Variants in COL4A5 observed in about 807,000 individuals in gnomAD.
COL4A5 encodes collagen alpha-5(IV) chain.
Under a neutral mutation model 130.2 loss-of-function variants are expected in COL4A5, and 26 were observed. That is an observed-to-expected ratio of 0.20 (90% CI 0.15 to 0.28). The LOEUF (loss-of-function observed/expected upper bound fraction) is 0.28, where lower values mean the gene tolerates loss of function less well. COL4A5 is among the 10% of genes least tolerant of loss of function. The probability of loss-of-function intolerance (pLI) is 1.00; values close to 1 mark genes in which losing one functional copy is unlikely to be tolerated. For missense variants in COL4A5, 1,131 were observed against 1,344.3 expected (o/e 0.84, Z 2.48); for synonymous variants, 496 against 439.6 (o/e 1.13, Z -1.60).
At chrX:108,565,009 A>T (rs1271347081) in intron 4 of COL4A5, among the ~76,000 whole-genome samples, 3 of 111,622 alleles carry the variant, frequency 2.7e-5, no homozygotes, top group African/African-American at 9.8e-5. Context: ...TGATATCAAT[A>T]TACTATTAAA....
At chrX:108,516,045 G>A (rs1475734399) in intron 1 of COL4A5, among the ~76,000 whole-genome samples, 1 of 111,922 alleles carries the variant, frequency 8.9e-6, no homozygotes, top group Non-Finnish European at 1.9e-5. Flanking sequence ...TTTGCTGCCT[G>A]TGAAGTAAAG....
chrX:108,500,549 G>A (rs1261653134), intron 1 of COL4A5, among the ~76,000 whole-genome samples: 1 of 111,848 alleles, frequency 8.9e-6, no homozygotes, highest in Non-Finnish European at 1.9e-5. Flanking sequence ...GTCACATTTG[G>A]TTAATGTGGG....
At chrX:108,690,987 A>G (rs745435038) in intron 49 of COL4A5, among the ~76,000 whole-genome samples, 1 of 111,875 alleles carries the variant, frequency 8.9e-6, no homozygotes, top group African/African-American at 3.3e-5. Context: ...AGCCATATAA[A>G]AAATGAAATC....
At chrX:108,515,290 G>T (rs2065210993) in intron 1 of COL4A5, among the ~76,000 whole-genome samples, 1 of 111,422 alleles carries the variant, frequency 9.0e-6, no homozygotes, top group African/African-American at 3.3e-5. Context: ...TAGTCCTGAG[G>T]CCTCCATCTT....
chrX:108,627,637 A>G, intron 36 of COL4A5: 9 of 601,975 alleles, frequency 1.5e-5, no homozygotes, highest in Non-Finnish European at 1.6e-5. Context: ...GGCTTTTTAA[A>G]ACACTTATAA....
rs758201168 is a variant in COL4A5, at chrX:108,566,773, T to C, written c.277-1856T>C. The stretch of plus-strand genomic sequence containing the variant: ...ACTGTGTTAACCATGATGGTCTGGA[T>C]CTCCTGACCTCGTGATCCACCCGCC... On this transcript the variant is annotated intron_variant, in intron 4 of 52. Coordinates refer to ENST00000328300, the MANE Select transcript of COL4A5 (RefSeq NM_033380.3). 3.6e-5 allele frequency among the ~76,000 whole-genome samples: 4 copies of C among 110,843 alleles called. 1 individual carries two copies. The South Asian group carries it at 1.6e-3, about 44-fold the overall frequency.
At chrX:108,610,258 G>A (rs2066809668) in intron 29 of COL4A5, among the ~76,000 whole-genome samples, 1 of 110,787 alleles carries the variant, frequency 9.0e-6, no homozygotes, top group African/African-American at 3.3e-5. Context: ...CCTCGTCAAT[G>A]TTTTGGCTCC....
intron 21 of COL4A5, 125 bp downstream of exon 21, chrX:108,591,769 A>C (rs2147798622): frequency 1.6e-4 from 88 of 546,342 alleles, no homozygotes; most frequent in Non-Finnish European, 2.3e-4. Flanking sequence ...AGACCATCTC[A>C]TTACCAATAG....
chrX:108,458,049 A>G (rs1435003536), intron 1 of COL4A5, among the ~76,000 whole-genome samples: 1 of 112,046 alleles, frequency 8.9e-6, no homozygotes, highest in Non-Finnish European at 1.9e-5. Flanking sequence ...TTTCTTACCT[A>G]TAATTTTCAG....
chrX:108,543,111 A>G (rs2065576498), intron 2 of COL4A5, among the ~76,000 whole-genome samples: 1 of 110,307 alleles, frequency 9.1e-6, no homozygotes, highest in African/African-American at 3.3e-5. Context: ...CTTTAGTTTA[A>G]TTAGATCCCA....
chrX:108,642,527 T>C (rs2067490514), intron 36 of COL4A5, among the ~76,000 whole-genome samples: 2 of 110,956 alleles, frequency 1.8e-5, no homozygotes, highest in South Asian at 7.8e-4. Context: ...CTCGTACCCA[T>C]GGCTGAGAGA....
chrX:108,480,354 A>G (rs776013780), intron 1 of COL4A5, among the ~76,000 whole-genome samples: 1 of 112,583 alleles, frequency 8.9e-6, no homozygotes, highest in African/African-American at 3.2e-5. Context: ...TTTTAGTCGG[A>G]TTTATTTCCT....
chrX:108,517,555 T>C (rs923369502), intron 1 of COL4A5, among the ~76,000 whole-genome samples: 2 of 111,596 alleles, frequency 1.8e-5, no homozygotes, highest in Non-Finnish European at 3.8e-5. Flanking sequence ...TGTGAGTACC[T>C]CATCATTGGA....
intron 50 of COL4A5, chrX:108,694,388 T>G: frequency 5.6e-6 from 1 of 178,018 alleles, no homozygotes; most frequent in Non-Finnish European, 1.1e-5. Context: ...AAGCGTCCGT[T>G]TCTTATATTT....
intron 2 of COL4A5, among the ~76,000 whole-genome samples, chrX:108,542,634 G>T (rs1386498835): frequency 9.4e-6 from 1 of 106,541 alleles, no homozygotes; most frequent in Non-Finnish European, 1.9e-5. Flanking sequence ...GTAATGGGAT[G>T]GCTGGGTCAA....
chrX:108,506,637 A>G (rs1413752015), intron 1 of COL4A5, among the ~76,000 whole-genome samples: 2 of 111,481 alleles, frequency 1.8e-5, no homozygotes, highest in African/African-American at 3.3e-5. Flanking sequence ...ATCTGACAGG[A>G]GACAGAGTTC....
intron 6 of COL4A5, among the ~76,000 whole-genome samples, chrX:108,569,972 G>A (rs746126042): frequency 1.8e-5 from 2 of 111,461 alleles, no homozygotes; most frequent in African/African-American, 3.3e-5. Flanking sequence ...GAGCCACCGC[G>A]CCCGGCCAGA....
intron 1 of COL4A5, among the ~76,000 whole-genome samples, chrX:108,513,904 C>T (rs950129101): frequency 9.0e-6 from 1 of 111,332 alleles, no homozygotes; most frequent in East Asian, 2.8e-4. Context: ...ATGTTTTAAT[C>T]GATGATCTTT....
At chrX:108,580,863 G>A in intron 15 of COL4A5, 120 bp from the exon 16 acceptor site, 2 of 946,751 alleles carry the variant, frequency 2.1e-6, no homozygotes, top group South Asian at 2.0e-5. Context: ...TAATGTTGAT[G>A]TCTAAAAAGT....
Sources: allele counts gnomAD v4.1 joint callset (sites outside exome capture counted in the v4.1 genomes callset), GRCh38; gene constraint gnomAD v4.1.1; transcripts MANE v1.5; gene names NCBI Gene and HGNC (gene_info 2026-07-23, HGNC 2026-07-21).